JPH2: variants seen among roughly 807,000 people sequenced by gnomAD.
JPH2 encodes junctophilin 2.
JPH2 carries 38 observed loss-of-function variants against 55.9 expected under a neutral mutation model. The ratio of observed to expected loss-of-function variants is 0.68; its 90% CI spans 0.52 to 0.89. The LOEUF (loss-of-function observed/expected upper bound fraction) is 0.89, where lower values mean the gene tolerates loss of function less well. Ranked by LOEUF, JPH2 falls within the 40% of genes least tolerant of loss-of-function variation. JPH2 has a pLI of 0.00. For synonymous variants in JPH2, 480 were observed against 472.4 expected (o/e 1.02, Z -0.21); for missense variants, 964 against 1,037.6 (o/e 0.93, Z 0.97).
intron 2 of JPH2, among the ~76,000 whole-genome samples, chr20:44,148,538 C>T (rs1440383795): frequency 6.6e-6 from 1 of 152,192 alleles, no homozygotes; most frequent in African/African-American, 2.4e-5. Flanking sequence ...TCGTTTCTTT[C>T]CCACCTGCTG....
chr20:44,136,567 A>G (rs2072415073), intron 2 of JPH2, among the ~76,000 whole-genome samples: 1 of 152,156 alleles, frequency 6.6e-6, no homozygotes, highest in African/African-American at 2.4e-5. Flanking sequence ...AGTAGGTATC[A>G]CTATCCCCAC....
At chr20:44,149,638 G>A (rs967842251) in intron 2 of JPH2, among the ~76,000 whole-genome samples, 1 of 151,988 alleles carries the variant, frequency 6.6e-6, no homozygotes, top group Non-Finnish European at 1.5e-5. Flanking sequence ...CCCAACCCCT[G>A]CTCCTAAATC....
intron 3 of JPH2, 134 bp from the exon 4 acceptor site, chr20:44,116,520 C>T (rs1299647272): frequency 1.0e-6 from 1 of 997,448 alleles, no homozygotes; most frequent in Non-Finnish European, 1.5e-6. Flanking sequence ...AAGTGCCAGG[C>T]ACTGTTCCAA....
intron 2 of JPH2, among the ~76,000 whole-genome samples, chr20:44,149,295 G>A (rs183240529): frequency 1.3e-5 from 2 of 152,214 alleles, no homozygotes; most frequent in Admixed American, 6.5e-5. Flanking sequence ...CCTAGCCCTT[G>A]CCATACTCTC....
At chr20:44,153,674 A>T (rs544201359) in intron 2 of JPH2, among the ~76,000 whole-genome samples, 69 of 152,372 alleles carry the variant, frequency 4.5e-4, no homozygotes, top group Non-Finnish European at 8.1e-4. Context: ...GGGGCACAAC[A>T]GCAGGAAGAC....
Position 44,163,978 on chromosome 20 carries a change from G to A in JPH2, c.380-3571C>T, listed in dbSNP as rs112194734. 7.0e-3 allele frequency among the ~76,000 whole-genome samples: 1,061 copies of A among 152,270 alleles called. 14 individuals carry two copies. The highest frequency in any genetic ancestry group is 0.024 in the African/African-American group (1,004 of 41,560). ...AAGAGAAATGGAGAGAGACAGAAATGGAGAAGAAAGCATTGGGCATGATCT... is the reference window on the plus strand; with the variant it reads ...AAGAGAAATGGAGAGAGACAGAAATAGAGAAGAAAGCATTGGGCATGATCT... On this transcript the variant is annotated intron_variant, in intron 1 of 5. Coordinates refer to ENST00000372980, the MANE Select transcript of JPH2 (RefSeq NM_020433.5).
chr20:44,158,431 T>G (rs1253016637), intron 2 of JPH2, among the ~76,000 whole-genome samples: 1 of 152,210 alleles, frequency 6.6e-6, no homozygotes, highest in Non-Finnish European at 1.5e-5. Flanking sequence ...TGAGTGATTT[T>G]GGACAAGTCA....
In JPH2 at chr20:44,177,669, A is replaced by G. The variant is rs898047614; in HGVS notation, c.379+8658T>C. 1.3e-5 allele frequency: 16 copies of G among 1,245,958 alleles called. No homozygotes were observed. The African/African-American group carries it at 2.2e-4, about 17-fold the overall frequency. 77.2% of individuals were successfully genotyped at this position (1,245,958 alleles called of 1,614,324 possible). ...TTAAATTATGCTGATTCTACATTCG[A>G]AATGGAATCATGTCTGGCATGGATT... is the stretch of plus-strand genomic sequence containing the variant. On this transcript the variant is annotated intron_variant, in intron 1 of 5. Transcript: ENST00000372980.
rs375705529 is a variant in JPH2 at position 44,119,602 on chromosome 20, G to A, written c.1170-979C>T. Among the ~76,000 whole-genome samples, 124 of 152,090 alleles carry A rather than the reference G, an allele frequency of 8.2e-4. No homozygotes were observed. In the East Asian group the frequency reaches 0.01, roughly 13 times the overall value. On this transcript the variant is annotated intron_variant, in intron 2 of 5. Coordinates refer to ENST00000372980, the MANE Select transcript of JPH2 (RefSeq NM_020433.5). ...AAATACTGCCCTGCCAGCCAGGCAC[G>A]GTGGCTCACGCCTGTAATCCCAACA...
intron 2 of JPH2, among the ~76,000 whole-genome samples, chr20:44,128,525 A>G (rs1025119580): frequency 6.6e-5 from 10 of 152,144 alleles, no homozygotes; most frequent in Admixed American, 3.3e-4. Context: ...GGGGTGGGTG[A>G]CATGTTCATA....
chr20:44,165,055 C>G (rs2072646445), intron 1 of JPH2, among the ~76,000 whole-genome samples: 1 of 152,074 alleles, frequency 6.6e-6, no homozygotes, highest in Non-Finnish European at 1.5e-5. Context: ...CCAGGCTGGT[C>G]TCAAACTCCT....
chr20:44,128,393 A>G (rs761792613), intron 2 of JPH2, among the ~76,000 whole-genome samples: 7 of 152,202 alleles, frequency 4.6e-5, no homozygotes, highest in Admixed American at 1.3e-4. Flanking sequence ...CGTTATAATC[A>G]AAGTAATAAT....
At chr20:44,123,594 C>CGGGGT (rs938228600) in intron 2 of JPH2, among the ~76,000 whole-genome samples, 13 of 152,324 alleles carry the variant, frequency 8.5e-5, no homozygotes, top group Non-Finnish European at 1.5e-4. Context: ...CAGCAGCTCA[C>CGGGGT]GGGGTGAAGG....
chr20:44,155,547 CTT>C (rs1261670094), intron 2 of JPH2, among the ~76,000 whole-genome samples: 1 of 152,192 alleles, frequency 6.6e-6, no homozygotes, highest in Non-Finnish European at 1.5e-5. Context: ...CCTTCTCCCT[CTT>C]GAGTGTGGGC....
Position 44,114,803 on chromosome 20 carries a change from A to G in JPH2, c.2084T>C (p.Leu695Pro). 1 of 1,604,666 alleles carries G rather than the reference A, an allele frequency of 6.2e-7. No homozygotes were observed. Among genetic ancestry groups the G allele is most frequent in the Non-Finnish European group, 8.5e-7 (1 of 1,176,278 alleles). Residue 695 changes from leucine (L) to proline (P), a missense_variant, in exon 5 of 6, where the codon CTG becomes CCG. Leu to Pro is a moderately conservative substitution (Grantham distance 98). Coordinates refer to ENST00000372980, the MANE Select transcript of JPH2 (RefSeq NM_020433.5). ...GCACCTGGTAAGCGACGGTCAGGTC[A>G]GGAGGTGAACAAAGAGGATGGCCAG... ...IGLAILFVHLLT is the reference protein window; with the variant it reads ...IGLAILFVHLPT
chr20:44,156,397 A>G (rs2072566853), intron 2 of JPH2, among the ~76,000 whole-genome samples: 2 of 152,208 alleles, frequency 1.3e-5, no homozygotes, highest in Non-Finnish European at 2.9e-5. Context: ...CCTTTTACTC[A>G]CAGAAGTGTT....
chr20:44,147,813 C>T (rs2072503208), intron 2 of JPH2, among the ~76,000 whole-genome samples: 1 of 152,146 alleles, frequency 6.6e-6, no homozygotes, highest in Non-Finnish European at 1.5e-5. Context: ...ACATACGACT[C>T]GGGTCCAGAA....
rs1055511094 is a variant in JPH2 at position 44,159,007 on chromosome 20, C to T, written c.1169+611G>A. Among the ~76,000 whole-genome samples, 7 of 151,890 alleles carry T rather than the reference C, an allele frequency of 4.6e-5. No individual in the cohort carries two copies. The East Asian group carries it at 5.8e-4, about 13-fold the overall frequency. Reference sequence around the variant, plus strand: ...TGGGTAGTTGGACGGGTGGTTGAGTCGATGAATGGATGGGTGATGAGCTGG... The same window carrying T: ...TGGGTAGTTGGACGGGTGGTTGAGTTGATGAATGGATGGGTGATGAGCTGG... On this transcript the variant is annotated intron_variant, in intron 2 of 5. Coordinates refer to ENST00000372980, the MANE Select transcript of JPH2 (RefSeq NM_020433.5). The surrounding 1 kb of genome is among the most constrained non-coding windows in gnomAD (Gnocchi z 5.7).
At chr20:44,153,744 C>A (rs538616034) in intron 2 of JPH2, among the ~76,000 whole-genome samples, 1 of 152,308 alleles carries the variant, frequency 6.6e-6, no homozygotes, top group South Asian at 2.1e-4. Context: ...AGCCCTGTGG[C>A]GTGTGTATAT....
Sources: allele counts gnomAD v4.1 joint callset (sites outside exome capture counted in the v4.1 genomes callset), GRCh38; gene constraint gnomAD v4.1.1; non-coding constraint Gnocchi (gnomAD v3.1); transcripts MANE v1.5; gene names NCBI Gene and HGNC (gene_info 2026-07-23, HGNC 2026-07-21).